C8orf34: variants seen among roughly 807,000 people sequenced by gnomAD.
The protein encoded by C8orf34 is chromosome 8 open reading frame 34.
Under a neutral mutation model 68.3 loss-of-function variants are expected in C8orf34, and 65 were observed. The observed-to-expected ratio is 0.95, with a 90% CI of 0.78 to 1.17. The LOEUF is 1.17. C8orf34 is among the 50% of genes most tolerant of loss of function. C8orf34 has a pLI of 0.00. For synonymous variants in C8orf34, 244 were observed against 241.2 expected, an observed-to-expected ratio of 1.01 and a Z score of -0.11; for missense variants, 664 against 655.4, an observed-to-expected ratio of 1.01 and a Z score of -0.14.
chr8:68,741,891 T>C (rs2129527274), intron 10 of C8orf34, among the ~76,000 whole-genome samples: 1 of 152,298 alleles, frequency 6.6e-6, no homozygotes, highest in East Asian at 1.9e-4. Context: ...CATTTAGGTT[T>C]ATAGAATTTC....
At chr8:68,801,007 T>G (rs954300982) in intron 12 of C8orf34, among the ~76,000 whole-genome samples, 38 of 152,216 alleles carry the variant, frequency 2.5e-4, no homozygotes, top group African/African-American at 9.2e-4. Context: ...TATTTTCTCT[T>G]CTAATTGAGA....
intron 1 of C8orf34, among the ~76,000 whole-genome samples, chr8:68,402,071 T>C (rs560000138): frequency 6.6e-6 from 1 of 152,278 alleles, no homozygotes; most frequent in South Asian, 2.1e-4. Flanking sequence ...AGATTTTTAT[T>C]ACTCCAATTT....
intron 7 of C8orf34, among the ~76,000 whole-genome samples, chr8:68,607,374 T>C (rs1004062344): frequency 6.6e-6 from 1 of 152,124 alleles, no homozygotes; most frequent in Non-Finnish European, 1.5e-5. Context: ...TGGTTTCTCC[T>C]GGAGCCTGTC....
Position 68,783,229 on chromosome 8 carries a change from T to C in C8orf34, c.1456-4214T>C, listed in dbSNP as rs565128971. Among the ~76,000 whole-genome samples the C allele has an allele frequency of 2.6e-5, 4 of 152,216 alleles. No homozygotes were observed. In the South Asian group the frequency reaches 8.3e-4, roughly 32 times the overall value. On this transcript the variant is annotated intron_variant, in intron 11 of 13. Transcript: ENST00000518698. Reference sequence around the variant, plus strand: ...CTGCCTCCCACTCTGTTCAAAGCCATGCTGCTGCTCACTGAAATAGAGGCG... The same window carrying C: ...CTGCCTCCCACTCTGTTCAAAGCCACGCTGCTGCTCACTGAAATAGAGGCG...
intron 1 of C8orf34, among the ~76,000 whole-genome samples, chr8:68,417,580 A>G (rs879921785): frequency 8.4e-4 from 128 of 152,304 alleles, no homozygotes; most frequent in African/African-American, 3.0e-3. Flanking sequence ...AAGAACCTAT[A>G]TTATTCTTGA....
At chr8:68,777,707 A>C (rs192204412) in intron 11 of C8orf34, among the ~76,000 whole-genome samples, 1 of 152,192 alleles carries the variant, frequency 6.6e-6, no homozygotes, top group African/African-American at 2.4e-5. Context: ...GTCTTTTCCA[A>C]CGTTCTTTCT....
chr8:68,417,534 A>G (rs1438477498), intron 1 of C8orf34, among the ~76,000 whole-genome samples: 2 of 152,194 alleles, frequency 1.3e-5, no homozygotes, highest in African/African-American at 2.4e-5. Context: ...TAAAGTATAT[A>G]AAATTATTAC....
At chr8:68,482,077 A>AG (rs34399695) in intron 4 of C8orf34, among the ~76,000 whole-genome samples, 2 of 152,190 alleles carry the variant, frequency 1.3e-5, no homozygotes. Context: ...GGAGGAACCC[A>AG]GGGGGAGGTA....
chr8:68,337,050 T>G (rs1805881627), intron 1 of C8orf34, among the ~76,000 whole-genome samples: 1 of 152,180 alleles, frequency 6.6e-6, no homozygotes, highest in Non-Finnish European at 1.5e-5. Flanking sequence ...AGTAGAAGGA[T>G]GATGGAATTA....
At chr8:68,751,918 A>G (rs1039238429) in intron 10 of C8orf34, among the ~76,000 whole-genome samples, 6 of 151,880 alleles carry the variant, frequency 4.0e-5, no homozygotes, top group Non-Finnish European at 8.8e-5. Flanking sequence ...AATCTCTTGT[A>G]TAAGTTCATC....
chr8:68,585,759 C>T (rs1465424504), intron 7 of C8orf34, among the ~76,000 whole-genome samples: 1 of 152,058 alleles, frequency 6.6e-6, no homozygotes, highest in African/African-American at 2.4e-5. Flanking sequence ...GGGCCTCTCC[C>T]TAAAGCTGCA....
intron 9 of C8orf34, among the ~76,000 whole-genome samples, chr8:68,714,046 A>G (rs1377711396): frequency 1.3e-5 from 2 of 152,134 alleles, no homozygotes; most frequent in Non-Finnish European, 2.9e-5. Context: ...AATTCACATA[A>G]TCATCTCAGT....
chr8:68,539,139 T>C (rs1815604968), intron 7 of C8orf34, among the ~76,000 whole-genome samples: 2 of 152,202 alleles, frequency 1.3e-5, no homozygotes, highest in South Asian at 2.1e-4. Flanking sequence ...CTAAACTAAA[T>C]TGAAAAGCAG....
intron 5 of C8orf34, among the ~76,000 whole-genome samples, chr8:68,512,784 C>T (rs1014605015): frequency 6.2e-5 from 8 of 128,466 alleles, no homozygotes; most frequent in Admixed American, 5.2e-4. Context: ...TAACCTTTTA[C>T]CAAAAAAAAA....
At chr8:68,700,215 T>G (rs1259976630) in intron 8 of C8orf34, among the ~76,000 whole-genome samples, 4 of 151,464 alleles carry the variant, frequency 2.6e-5, no homozygotes, top group Non-Finnish European at 5.9e-5. Flanking sequence ...GAAATCTAGG[T>G]AGTGTTGGAA....
chr8:68,798,550 T>A (rs961486339), intron 12 of C8orf34, among the ~76,000 whole-genome samples: 2 of 152,178 alleles, frequency 1.3e-5, no homozygotes, highest in African/African-American at 4.8e-5. Context: ...TATGCTACTA[T>A]CATAAATATT....
At chr8:68,407,084 G>C (rs995219342) in intron 1 of C8orf34, among the ~76,000 whole-genome samples, 1 of 152,008 alleles carries the variant, frequency 6.6e-6, no homozygotes, top group African/African-American at 2.4e-5. Flanking sequence ...CCATAGAACT[G>C]GAAAAGTAAT....
At chr8:68,630,735 A>T (rs138960528) in intron 7 of C8orf34, among the ~76,000 whole-genome samples, 6 of 152,088 alleles carry the variant, frequency 3.9e-5, no homozygotes, top group Admixed American at 3.9e-4. Flanking sequence ...AATTTAGCAA[A>T]TTATTTATTT....
At chr8:68,427,941 TATATATA>T (rs1388144550) in intron 1 of C8orf34, among the ~76,000 whole-genome samples, 3 of 147,960 alleles carry the variant, frequency 2.0e-5, no homozygotes, top group South Asian at 4.2e-4. Context: ...TCATCCTTAT[TATATATA>T]ATATATAATA....
Sources: gnomAD v4.1 joint callset for allele counts (sites outside exome capture counted in the v4.1 genomes callset) on GRCh38, gnomAD v4.1.1 for gene constraint, MANE v1.5 for transcripts, NCBI Gene and HGNC (gene_info 2026-07-23, HGNC 2026-07-21) for gene names.